ADD2: variants seen among roughly 807,000 people sequenced by gnomAD.
ADD2 encodes adducin 2, also known as beta-adducin.
A neutral mutation model predicts 83.0 loss-of-function variants in ADD2; 23 were observed. The ratio of observed to expected loss-of-function variants is 0.28; its 90% CI spans 0.20 to 0.39. The LOEUF is 0.39. ADD2 is among the 10% of genes least tolerant of loss of function. ADD2 has a pLI of 1.00. For synonymous variants in ADD2, 375 were observed against 375.4 expected (o/e 1.00, Z 0.01); for missense variants, 758 against 944.9 (o/e 0.80, Z 2.59).
chr2:70,683,846 G>A (rs1170151817), intron 9 of ADD2, 79 bp from the exon 10 acceptor site: 5 of 1,466,578 alleles, frequency 3.4e-6, no homozygotes, highest in East Asian at 2.4e-5. Context: ...TATGTGATGA[G>A]AGAATGGGGA....
At chr2:70,670,964 A>T (rs1397882372) in intron 15 of ADD2, among the ~76,000 whole-genome samples, 1 of 152,204 alleles carries the variant, frequency 6.6e-6, no homozygotes, top group Non-Finnish European at 1.5e-5. Flanking sequence ...GAATCCTGCT[A>T]TAGGGTGTAA....
chr2:70,733,109 A>C (rs1553379594), intron 1 of ADD2, among the ~76,000 whole-genome samples: 1 of 152,202 alleles, frequency 6.6e-6, no homozygotes, highest in Non-Finnish European at 1.5e-5. Flanking sequence ...GTTTGAACAA[A>C]TTAGCTACTT....
intron 1 of ADD2, among the ~76,000 whole-genome samples, chr2:70,745,083 G>A (rs1490986629): frequency 6.6e-6 from 1 of 151,974 alleles, no homozygotes; most frequent in Non-Finnish European, 1.5e-5. Flanking sequence ...TCAGGAGATC[G>A]AGACCATCCT....
At chr2:70,741,444 G>A (rs1182240348) in intron 1 of ADD2, 2 of 152,206 alleles carry the variant, frequency 1.3e-5, no homozygotes, top group Admixed American at 6.5e-5. Flanking sequence ...GAGAGCAAAT[G>A]TATTAACGAA....
rs1574202237 is a variant in ADD2, at chr2:70,658,519, A to G, written c.*4906T>C. The G allele has an allele frequency of 6.6e-6, 1 of 152,212 alleles. No individual in the cohort carries two copies. Among genetic ancestry groups the G allele is most frequent in the African/African-American group, 2.4e-5 (1 of 41,450 alleles). The allele number at this position is 152,212 out of a possible 1,614,324, so 9.4% of individuals were successfully genotyped here. A position where few individuals can be genotyped will look rare whatever the true frequency, so the allele number is the denominator to read the frequency against. The stretch of plus-strand genomic sequence containing the variant: ...CTATCCCTTTCAGAACAGATGTGAA[A>G]CAGATGATAGGCTGCCTCACTGGCT... On this transcript the variant is annotated 3_prime_UTR_variant, in exon 16 of 16. Coordinates refer to ENST00000264436, the MANE Select transcript of ADD2 (RefSeq NM_001617.4).
chr2:70,768,030 T>A lies in ADD2; in HGVS notation c.-298A>T. ...TTTCTGCCCATGCTGCAGCCCGCGCTCGTCAGAGCTGCTGGGAGATCCCCC... is the reference window on the plus strand; with the variant it reads ...TTTCTGCCCATGCTGCAGCCCGCGCACGTCAGAGCTGCTGGGAGATCCCCC... On this transcript the variant is annotated 5_prime_UTR_variant, in exon 1 of 16. Coordinates refer to ENST00000264436, the MANE Select transcript of ADD2 (RefSeq NM_001617.4). 6.8e-7 allele frequency: 1 copy of A among 1,480,892 alleles called. No individual in the cohort carries two copies. Among genetic ancestry groups the A allele is most frequent in the African/African-American group, 1.4e-5 (1 of 71,934 alleles). 91.7% of individuals were successfully genotyped at this position (1,480,892 alleles called of 1,614,324 possible). A position where few individuals can be genotyped will look rare whatever the true frequency, so the allele number is the denominator to read the frequency against.
chr2:70,742,085 G>C (rs1014964198), intron 1 of ADD2, among the ~76,000 whole-genome samples: 4 of 152,192 alleles, frequency 2.6e-5, no homozygotes, highest in African/African-American at 9.7e-5. Flanking sequence ...TATTTAAAAG[G>C]CCATTATATA....
chr2:70,733,594 G>T (rs1673385255), intron 1 of ADD2, among the ~76,000 whole-genome samples: 1 of 152,206 alleles, frequency 6.6e-6, no homozygotes. Context: ...TTTTGATGTA[G>T]CCATTGAAAG....
intron 4 of ADD2, among the ~76,000 whole-genome samples, chr2:70,697,385 G>A (rs1553372918): frequency 6.6e-6 from 1 of 152,192 alleles, no homozygotes. Flanking sequence ...GGGTTTGATA[G>A]TCTTGTCCTC....
chr2:70,731,792 G>A (rs1188209620), intron 1 of ADD2, among the ~76,000 whole-genome samples: 2 of 152,206 alleles, frequency 1.3e-5, no homozygotes, highest in African/African-American at 4.8e-5. Context: ...GTTCCCCAGG[G>A]ACACTGCCTT....
chr2:70,663,765 A>G (rs1675636097), intron 15 of ADD2, 30 bp from the exon 16 acceptor site: 2 of 1,592,372 alleles, frequency 1.3e-6, no homozygotes, highest in East Asian at 4.5e-5. Flanking sequence ...TATGACCTGT[A>G]AGATTTCATT....
intron 7 of ADD2, among the ~76,000 whole-genome samples, chr2:70,691,437 T>G (rs1018403708): frequency 1.3e-5 from 2 of 152,100 alleles, no homozygotes; most frequent in Admixed American, 6.5e-5. Context: ...TGAATGAAAT[T>G]ATTTGCTGCC....
chr2:70,694,337 C>T (rs766001008), intron 6 of ADD2, among the ~76,000 whole-genome samples: 8 of 152,166 alleles, frequency 5.3e-5, no homozygotes, highest in Non-Finnish European at 1.0e-4. Context: ...ACCTAGGTGT[C>T]GGTTGGCCTC....
chr2:70,740,312 C>G (rs1673817904), intron 1 of ADD2, among the ~76,000 whole-genome samples: 1 of 152,060 alleles, frequency 6.6e-6, no homozygotes, highest in African/African-American at 2.4e-5. Context: ...TAATGGATTA[C>G]TTTAATATGC....
intron 1 of ADD2, among the ~76,000 whole-genome samples, chr2:70,714,884 G>T (rs1331858408): frequency 1.3e-5 from 2 of 152,136 alleles, no homozygotes; most frequent in African/African-American, 2.4e-5. Flanking sequence ...TGTGCTAATA[G>T]AATTCATCCT....
At chr2:70,753,974 G>A (rs1290084034) in intron 1 of ADD2, among the ~76,000 whole-genome samples, 34 of 152,124 alleles carry the variant, frequency 2.2e-4, no homozygotes, top group Non-Finnish European at 1.5e-5. Flanking sequence ...GGCTAGACAA[G>A]GGCGTCATCA....
chr2:70,677,041 G>A (rs370814968), intron 12 of ADD2, among the ~76,000 whole-genome samples, 156 bp from the exon 13 acceptor site: 1 of 152,100 alleles, frequency 6.6e-6, no homozygotes, highest in Non-Finnish European at 1.5e-5. Flanking sequence ...TTTAAGGGGG[G>A]GCCTCCAAGT....
intron 15 of ADD2, among the ~76,000 whole-genome samples, chr2:70,666,644 G>T (rs1675813305): frequency 1.3e-5 from 2 of 152,192 alleles, no homozygotes; most frequent in Admixed American, 1.3e-4. Context: ...CTGCCTGGTG[G>T]CAATGAGTAT....
intron 8 of ADD2, among the ~76,000 whole-genome samples, chr2:70,688,571 A>G (rs1670861986): frequency 6.6e-6 from 1 of 152,284 alleles, no homozygotes; most frequent in African/African-American, 2.4e-5. Flanking sequence ...CTCAATAGCA[A>G]TCTCTTGCTC....
Sources: gnomAD v4.1 joint callset for allele counts (sites outside exome capture counted in the v4.1 genomes callset) on GRCh38, gnomAD v4.1.1 for gene constraint, MANE v1.5 for transcripts, NCBI Gene and HGNC (gene_info 2026-07-23, HGNC 2026-07-21) for gene names.